Variants in SLC44A5 observed in about 807,000 individuals in gnomAD.
The protein encoded by SLC44A5 is solute carrier family 44 member 5.
In SLC44A5, 57 loss-of-function variants were observed where a neutral mutation model predicts 101.8. That is an observed-to-expected ratio of 0.56 (90% CI 0.45 to 0.70). SLC44A5 has a LOEUF of 0.70. SLC44A5 is among the 30% of genes least tolerant of loss of function. The pLI, the probability that SLC44A5 is intolerant of heterozygous loss-of-function variation, is 0.00. For synonymous variants in SLC44A5, 281 were observed against 290.9 expected, an observed-to-expected ratio of 0.97 and a Z score of 0.35; for missense variants, 737 against 853.1, an observed-to-expected ratio of 0.86 and a Z score of 1.70.
chr1:75,490,289 T>C (rs745491027), intron 2 of SLC44A5, among the ~76,000 whole-genome samples: 1 of 152,136 alleles, frequency 6.6e-6, no homozygotes, highest in Non-Finnish European at 1.5e-5. Context: ...GAATGCTACA[T>C]TTAACCACTG....
intron 2 of SLC44A5, 100 bp downstream of exon 2, chr1:75,541,335 A>G (rs1485591334): frequency 2.2e-6 from 2 of 905,216 alleles, no homozygotes; most frequent in Non-Finnish European, 3.5e-6. Flanking sequence ...AACATAGTAT[A>G]TACTCATTTT....
chr1:75,340,203 A>C (rs1284711155), intron 3 of SLC44A5, among the ~76,000 whole-genome samples: 1 of 152,148 alleles, frequency 6.6e-6, no homozygotes, highest in African/African-American at 2.4e-5. Flanking sequence ...GCCATCTGGG[A>C]AGGTGCCCTT....
intron 3 of SLC44A5, among the ~76,000 whole-genome samples, chr1:75,340,293 C>T (rs1657776879): frequency 6.6e-6 from 1 of 152,020 alleles, no homozygotes. Flanking sequence ...GCTTTTTTCT[C>T]CCTACATGTA....
chr1:75,239,917 C>T (rs1273773993), intron 9 of SLC44A5, among the ~76,000 whole-genome samples: 1 of 152,014 alleles, frequency 6.6e-6, no homozygotes, highest in Non-Finnish European at 1.5e-5. Flanking sequence ...TATTGAAACT[C>T]TCTTTTCTTG....
intron 14 of SLC44A5, among the ~76,000 whole-genome samples, chr1:75,222,118 G>A (rs528390909): frequency 2.0e-5 from 3 of 151,900 alleles, no homozygotes; most frequent in South Asian, 4.2e-4. Flanking sequence ...CACCACGCCC[G>A]GCTAATTTTG....
the SLC44A5 span, among the ~76,000 whole-genome samples, chr1:75,696,414 A>C: frequency 9.2e-5 from 14 of 152,238 alleles, no homozygotes; most frequent in Admixed American, 2.0e-4. Flanking sequence ...GATAGGAAAA[A>C]GGAGATTCAT....
chr1:75,206,526 C>A, intron 23 of SLC44A5: 3 of 971,264 alleles, frequency 3.1e-6, no homozygotes, highest in South Asian at 1.5e-5. Flanking sequence ...TCACATTACT[C>A]AAAAGCAACA....
chr1:75,559,179 T>TTA (rs34227908), intron 1 of SLC44A5, among the ~76,000 whole-genome samples: 2,383 of 151,758 alleles, frequency 0.016, 71 homozygotes, highest in African/African-American at 0.055. Flanking sequence ...TTAAAGTACT[T>TTA]TATATATATA....
chr1:75,682,788 C>A, the SLC44A5 span, among the ~76,000 whole-genome samples: 37,567 of 151,534 alleles, frequency 0.25, 4,888 homozygotes, highest in Non-Finnish European at 0.3. Context: ...TTCTGCACAG[C>A]AAAAGAAACT....
chr1:75,522,706 G>A (rs1021164914), intron 2 of SLC44A5, among the ~76,000 whole-genome samples: 2 of 152,192 alleles, frequency 1.3e-5, no homozygotes, highest in Non-Finnish European at 2.9e-5. Context: ...TACTTCTGGA[G>A]CTTGAAGGAC....
chr1:75,699,140 G>A, the SLC44A5 span, among the ~76,000 whole-genome samples: 1 of 152,014 alleles, frequency 6.6e-6, no homozygotes, highest in African/African-American at 2.4e-5. Context: ...TCAGATTCAG[G>A]AAATACAGAG....
the SLC44A5 span, among the ~76,000 whole-genome samples, chr1:75,622,502 C>CA: frequency 4.0e-5 from 6 of 151,412 alleles, no homozygotes; most frequent in South Asian, 2.1e-4. Flanking sequence ...GAAACCCCCC[C>CA]AAAAAAAATA....
chr1:75,696,360 G>A, the SLC44A5 span, among the ~76,000 whole-genome samples: 3 of 152,100 alleles, frequency 2.0e-5, no homozygotes, highest in African/African-American at 7.2e-5. Flanking sequence ...TATGTTCAAA[G>A]GAAGAGAACT....
intron 2 of SLC44A5, chr1:75,522,225 T>C (rs1057437877): frequency 2.6e-5 from 4 of 152,178 alleles, no homozygotes; most frequent in African/African-American, 9.7e-5. Context: ...ACCTGGTTTC[T>C]TAATGTTTTG....
At chr1:75,676,268 T>C in the SLC44A5 span, among the ~76,000 whole-genome samples, 5 of 152,176 alleles carry the variant, frequency 3.3e-5, no homozygotes, top group Non-Finnish European at 7.3e-5. Flanking sequence ...GCAGCACTAT[T>C]CACAATCACA....
chr1:75,415,012 A>G (rs1373910440), intron 2 of SLC44A5, among the ~76,000 whole-genome samples: 1 of 152,218 alleles, frequency 6.6e-6, no homozygotes, highest in Non-Finnish European at 1.5e-5. Context: ...AGAAGGAAAT[A>G]AGGATGATGC....
At chr1:75,409,052 G>T (rs1433569083) in intron 2 of SLC44A5, among the ~76,000 whole-genome samples, 2 of 152,120 alleles carry the variant, frequency 1.3e-5, no homozygotes, top group Non-Finnish European at 2.9e-5. Flanking sequence ...CAGCAACATG[G>T]ATGCAGCTGG....
chr1:75,586,919 A>G (rs1302569062), intron 1 of SLC44A5, among the ~76,000 whole-genome samples: 1 of 151,896 alleles, frequency 6.6e-6, no homozygotes, highest in Non-Finnish European at 1.5e-5. Context: ...TTTTTTTTTA[A>G]GTCTTATGAT....
At chr1:75,376,060 CAAAG>C (rs965764638) in intron 3 of SLC44A5, among the ~76,000 whole-genome samples, 37 of 152,290 alleles carry the variant, frequency 2.4e-4, no homozygotes, top group African/African-American at 8.9e-4. Flanking sequence ...CTTTCCAAGT[CAAAG>C]AAAGGGGTGA....
Sources: gnomAD v4.1 joint callset for allele counts (sites outside exome capture counted in the v4.1 genomes callset) on GRCh38, gnomAD v4.1.1 for gene constraint, MANE v1.5 for transcripts, NCBI Gene and HGNC (gene_info 2026-07-23, HGNC 2026-07-21) for gene names.